Variants in XKR9 observed in about 807,000 individuals in gnomAD.
XKR9 encodes the protein XK related 9, also known as XK-related protein 9.
XKR9 carries 32 observed loss-of-function variants against 32.0 expected under a neutral mutation model. The observed-to-expected ratio is 1.00, with a 90% CI of 0.76 to 1.34. XKR9 has a LOEUF of 1.34. XKR9 is among the 40% of genes most tolerant of loss of function. The probability of loss-of-function intolerance (pLI) is 0.00; values close to 1 mark genes in which losing one functional copy is unlikely to be tolerated. For synonymous variants in XKR9, 168 were observed against 143.4 expected (o/e 1.17, Z -1.22); for missense variants, 546 against 429.7 (o/e 1.27, Z -2.39).
At chr8:70,793,643 C>T (rs987894339), downstream of XKR9, among the ~76,000 whole-genome samples, 4 of 152,116 alleles carry the variant, frequency 2.6e-5, no homozygotes, top group Non-Finnish European at 4.4e-5. Context: ...ACAGCACTCT[C>T]ATCTAAAACC....
the XKR9 span, among the ~76,000 whole-genome samples, chr8:70,866,776 T>G: frequency 1.3e-5 from 2 of 152,058 alleles, no homozygotes; most frequent in African/African-American, 4.8e-5. Flanking sequence ...TGAGCCACCA[T>G]GCCTGGCCCT....
At chr8:70,874,005 A>G in the XKR9 span, among the ~76,000 whole-genome samples, 1 of 152,218 alleles carries the variant, frequency 6.6e-6, no homozygotes. Flanking sequence ...ACCCTCCACT[A>G]ACAAGAAGAT....
At chr8:70,804,153 T>C in the XKR9 span, among the ~76,000 whole-genome samples, 1 of 152,246 alleles carries the variant, frequency 6.6e-6, no homozygotes, top group Non-Finnish European at 1.5e-5. Context: ...GGCTGAGCCC[T>C]CTGGCTAAGT....
chr8:70,883,546 A>AG, the XKR9 span, among the ~76,000 whole-genome samples: 1 of 152,076 alleles, frequency 6.6e-6, no homozygotes, highest in South Asian at 2.1e-4. Context: ...TCCTTAAGGA[A>AG]TCTCCATACT....
At chr8:70,957,652 C>T in the XKR9 span, among the ~76,000 whole-genome samples, 6,268 of 152,154 alleles carry the variant, frequency 0.041, 187 homozygotes, top group South Asian at 0.094. Flanking sequence ...TTTCTCTTCC[C>T]GCATTAGTTT....
chr8:70,705,622 T>C (rs947426430), intron 3 of XKR9, among the ~76,000 whole-genome samples: 1 of 152,084 alleles, frequency 6.6e-6, no homozygotes, highest in Non-Finnish European at 1.5e-5. Flanking sequence ...GAAAGGTAGT[T>C]GTGGTGGTAG....
the XKR9 span, among the ~76,000 whole-genome samples, chr8:70,984,624 A>G: frequency 6.6e-6 from 1 of 152,234 alleles, no homozygotes; most frequent in Non-Finnish European, 1.5e-5. Flanking sequence ...GAAAAAAGGT[A>G]AAACAAAATC....
chr8:70,877,262 T>A, the XKR9 span, among the ~76,000 whole-genome samples: 4 of 152,176 alleles, frequency 2.6e-5, no homozygotes, highest in African/African-American at 9.7e-5. Context: ...GTCCCACCCT[T>A]GACACATGGG....
intron 2 of XKR9, among the ~76,000 whole-genome samples, chr8:70,784,422 T>G (rs995375805): frequency 1.3e-5 from 2 of 151,936 alleles, no homozygotes; most frequent in African/African-American, 4.8e-5. Flanking sequence ...TTTTTTTACC[T>G]CTTTAGTTAA....
the XKR9 span, among the ~76,000 whole-genome samples, chr8:70,976,785 A>T: frequency 4.6e-5 from 7 of 152,260 alleles, 1 homozygote; most frequent in South Asian, 1.5e-3. Flanking sequence ...ATAATTTCAG[A>T]AGGAATGGGA....
At chr8:70,856,878 G>T in the XKR9 span, among the ~76,000 whole-genome samples, 1 of 152,066 alleles carries the variant, frequency 6.6e-6, no homozygotes, top group African/African-American at 2.4e-5. Flanking sequence ...TGACTACTGG[G>T]TACATAACAA....
intron 2 of XKR9, among the ~76,000 whole-genome samples, chr8:70,755,892 C>G (rs1364953425): frequency 7.6e-6 from 1 of 131,718 alleles, no homozygotes; most frequent in East Asian, 2.0e-4. Flanking sequence ...CACATGTACC[C>G]TAAAACTTAA....
At chr8:70,840,872 A>T in the XKR9 span, among the ~76,000 whole-genome samples, 1 of 152,220 alleles carries the variant, frequency 6.6e-6, no homozygotes, top group East Asian at 1.9e-4. Flanking sequence ...TCCCTAAAAA[A>T]ATTGAGAAAC....
chr8:70,836,289 A>T, the XKR9 span, among the ~76,000 whole-genome samples: 1 of 152,132 alleles, frequency 6.6e-6, no homozygotes, highest in African/African-American at 2.4e-5. Flanking sequence ...ATGCCTGTGT[A>T]GCCTAAACTC....
intron 2 of XKR9, among the ~76,000 whole-genome samples, chr8:70,754,802 T>A (rs1807194097): frequency 6.6e-6 from 1 of 151,898 alleles, no homozygotes; most frequent in African/African-American, 2.4e-5. Context: ...CCTAAAACCA[T>A]AAAAACCCTA....
chr8:70,953,887 G>T, the XKR9 span, among the ~76,000 whole-genome samples: 2 of 152,158 alleles, frequency 1.3e-5, no homozygotes, highest in Non-Finnish European at 2.9e-5. Flanking sequence ...TATGAGGCAA[G>T]GCGGTGGGAA....
chr8:71,000,727 G>T, the XKR9 span, among the ~76,000 whole-genome samples: 155 of 152,206 alleles, frequency 1.0e-3, 1 homozygote, highest in Non-Finnish European at 1.3e-3. Flanking sequence ...TTATTTTTGT[G>T]TACCTTTCTG....
At chr8:70,777,497 G>A (rs903070499) in intron 2 of XKR9, among the ~76,000 whole-genome samples, 2 of 152,112 alleles carry the variant, frequency 1.3e-5, no homozygotes, top group Admixed American at 6.6e-5. Flanking sequence ...GGGTCAAATG[G>A]TATTTCTAGT....
At chr8:71,033,173 C>G in the XKR9 span, among the ~76,000 whole-genome samples, 2 of 152,106 alleles carry the variant, frequency 1.3e-5, no homozygotes, top group Admixed American at 6.5e-5. Context: ...TCTCAGAAAT[C>G]CTTACAAAGG....
Sources: allele counts gnomAD v4.1 joint callset (sites outside exome capture counted in the v4.1 genomes callset), GRCh38; gene constraint gnomAD v4.1.1; transcripts MANE v1.5; gene names NCBI Gene and HGNC (gene_info 2026-07-23, HGNC 2026-07-21).